DLG2: variants seen among roughly 807,000 people sequenced by gnomAD.
DLG2 encodes discs large MAGUK scaffold protein 2.
A neutral mutation model predicts 132.5 loss-of-function variants in DLG2; 45 were observed. The observed-to-expected ratio is 0.34, with a 90% CI of 0.27 to 0.44. The LOEUF (loss-of-function observed/expected upper bound fraction) is 0.44. DLG2 is among the 20% of genes least tolerant of loss of function. DLG2 has a pLI of 1.00. For synonymous variants in DLG2, 424 were observed against 419.6 expected (o/e 1.01, Z -0.13); for missense variants, 1,045 against 1,196.9 (o/e 0.87, Z 1.87).
intron 3 of DLG2, among the ~76,000 whole-genome samples, chr11:85,303,880 A>G (rs949935081): frequency 2.0e-5 from 3 of 152,218 alleles, no homozygotes; most frequent in African/African-American, 7.2e-5. Flanking sequence ...CTTTTATTTA[A>G]AAAGTGAAAT....
At chr11:83,768,279 C>A (rs557252135) in intron 18 of DLG2, among the ~76,000 whole-genome samples, 1 of 152,186 alleles carries the variant, frequency 6.6e-6, no homozygotes, top group African/African-American at 2.4e-5. Flanking sequence ...AAATATCTTG[C>A]TCCTTAAAGG....
At chr11:85,019,155 A>G (rs2059819189) in intron 6 of DLG2, among the ~76,000 whole-genome samples, 1 of 152,204 alleles carries the variant, frequency 6.6e-6, no homozygotes, top group Non-Finnish European at 1.5e-5. Flanking sequence ...CCTGCATAAC[A>G]AGAGATTACT....
rs869261514 is a variant in DLG2, at chr11:85,583,048, GAAA to G, written c.40+15606_40+15608del. Among the ~76,000 whole-genome samples, 50 of 91,500 alleles carry G rather than the reference GAAA, an allele frequency of 5.5e-4. 1 individual carries two copies. Among genetic ancestry groups the G allele is most frequent in the African/African-American group, 2.1e-3 (42 of 20,142 alleles). 60.0% of individuals were successfully genotyped at this position (91,500 alleles called of 152,430 possible). A position where few individuals can be genotyped will look rare whatever the true frequency, so the allele number is the denominator to read the frequency against. On this transcript the variant is annotated intron_variant, in intron 3 of 27. Coordinates refer to ENST00000376104, the MANE Select transcript of DLG2 (RefSeq NM_001142699.3). ...GGGAATCAAGAACTAGAAACCAGGG[GAAA>G]AAAAAAATATATATATATATATATA... is the stretch of plus-strand genomic sequence containing the variant.
chr11:85,249,692 A>C (rs966738012), intron 4 of DLG2, among the ~76,000 whole-genome samples: 1 of 152,116 alleles, frequency 6.6e-6, no homozygotes, highest in African/African-American at 2.4e-5. Context: ...CAAATATCCA[A>C]AGACACCATG....
chr11:84,053,385 A>G lies in DLG2; in HGVS notation c.919+5930T>C, dbSNP rs190628130. Among the ~76,000 whole-genome samples the G allele has an allele frequency of 2.2e-3, 331 of 152,092 alleles. 1 individual carries two copies. Among genetic ancestry groups the G allele is most frequent in the Middle Eastern group, 0.02 (6 of 294 alleles). On this transcript the variant is annotated intron_variant, in intron 11 of 27. Coordinates refer to ENST00000376104, the MANE Select transcript of DLG2 (RefSeq NM_001142699.3). ...CAACCACCATGGCACACGTTTACCT[A>G]TGTAACAAACCTGCACATCCTGCAC...
intron 7 of DLG2, among the ~76,000 whole-genome samples, chr11:84,503,732 C>A (rs920285088): frequency 1.3e-5 from 2 of 152,156 alleles, no homozygotes; most frequent in African/African-American, 4.8e-5. Context: ...ACAGTATATG[C>A]ATTTGTCTTA....
At chr11:84,400,219 A>G (rs1331827365) in intron 7 of DLG2, among the ~76,000 whole-genome samples, 1 of 152,262 alleles carries the variant, frequency 6.6e-6, no homozygotes, top group Non-Finnish European at 1.5e-5. Flanking sequence ...TAATTTCAAA[A>G]GAGCATTCAT....
At chr11:84,810,785 A>T (rs1033428604) in intron 6 of DLG2, among the ~76,000 whole-genome samples, 2 of 152,210 alleles carry the variant, frequency 1.3e-5, no homozygotes, top group East Asian at 1.9e-4. Context: ...ACTGATACAC[A>T]TATCTTAAAT....
chr11:85,449,069 T>C (rs2092129925), intron 3 of DLG2, among the ~76,000 whole-genome samples: 1 of 152,212 alleles, frequency 6.6e-6, no homozygotes, highest in African/African-American at 2.4e-5. Flanking sequence ...TTATTTCCTT[T>C]TTTCCATTTT....
intron 6 of DLG2, among the ~76,000 whole-genome samples, chr11:85,034,730 T>C (rs574636053): frequency 1.3e-5 from 2 of 152,290 alleles, no homozygotes; most frequent in African/African-American, 4.8e-5. Flanking sequence ...GCTGAGACTC[T>C]AGTTTCAGGG....
intron 15 of DLG2, among the ~76,000 whole-genome samples, chr11:83,883,724 A>G (rs2066948579): frequency 6.6e-6 from 1 of 152,096 alleles, no homozygotes; most frequent in African/African-American, 2.4e-5. Context: ...CTAGCTATAC[A>G]TCATTCTTCT....
Position 84,058,170 on chromosome 11 carries a change from T to G in DLG2, c.919+1145A>C, listed in dbSNP as rs563305281. 3.0e-4 allele frequency among the ~76,000 whole-genome samples: 46 copies of G among 152,170 alleles called. 1 individual carries two copies. Among genetic ancestry groups the G allele is most frequent in the Admixed American group, 1.2e-3 (18 of 15,254 alleles). On this transcript the variant is annotated intron_variant, in intron 11 of 27. Transcript: ENST00000376104. ...TTATTTTTTCAATCTCATATAGCATTAGAGATTAAATAGATTTTAAAGAAA... is the reference window on the plus strand; with the variant it reads ...TTATTTTTTCAATCTCATATAGCATGAGAGATTAAATAGATTTTAAAGAAA...
intron 3 of DLG2, among the ~76,000 whole-genome samples, chr11:85,475,027 AC>A (rs200659059): frequency 0.011 from 1,737 of 151,778 alleles, 111 homozygotes; most frequent in Admixed American, 0.1. Context: ...CTAAAAAGTT[AC>A]AAAAATTTTA....
intron 4 of DLG2, among the ~76,000 whole-genome samples, chr11:85,265,725 C>T (rs2077174249): frequency 6.6e-6 from 1 of 152,228 alleles, no homozygotes; most frequent in Non-Finnish European, 1.5e-5. Flanking sequence ...GCTGCACCCA[C>T]CATCCTGTGC....
At chr11:85,274,568 T>C (rs1595879456) in intron 4 of DLG2, among the ~76,000 whole-genome samples, 1 of 151,944 alleles carries the variant, frequency 6.6e-6, no homozygotes, top group African/African-American at 2.4e-5. Flanking sequence ...CACTGTAGGG[T>C]CTCAGAAAAT....
intron 17 of DLG2, among the ~76,000 whole-genome samples, chr11:83,800,768 C>T (rs1310399481): frequency 6.6e-6 from 1 of 152,130 alleles, no homozygotes; most frequent in Non-Finnish European, 1.5e-5. Flanking sequence ...TATAACTTGG[C>T]TGTCCAAACC....
chr11:83,692,358 G>A (rs1324602425), intron 18 of DLG2, among the ~76,000 whole-genome samples: 4 of 152,176 alleles, frequency 2.6e-5, no homozygotes, highest in Non-Finnish European at 5.9e-5. Flanking sequence ...GTAATAACAT[G>A]CCTAACTTTT....
intron 18 of DLG2, 101 bp downstream of exon 18, chr11:83,786,589 C>T: frequency 9.2e-7 from 1 of 1,081,846 alleles, no homozygotes; most frequent in Middle Eastern, 2.0e-4. Flanking sequence ...GTTTACAAAA[C>T]ACCAATGATG....
intron 6 of DLG2, among the ~76,000 whole-genome samples, chr11:85,110,580 C>A (rs1380611360): frequency 2.0e-5 from 3 of 152,094 alleles, no homozygotes; most frequent in Non-Finnish European, 2.9e-5. Context: ...GGAATACCTC[C>A]AAAATTTAGC....
Sources: allele counts gnomAD v4.1 joint callset (sites outside exome capture counted in the v4.1 genomes callset), GRCh38; gene constraint gnomAD v4.1.1; transcripts MANE v1.5; gene names NCBI Gene and HGNC (gene_info 2026-07-23, HGNC 2026-07-21).